The following ZFHX3 variants were observed in gnomAD, a reference collection of about 807,000 sequenced individuals.
The protein encoded by ZFHX3 is zinc finger homeobox 3.
In ZFHX3, 42 loss-of-function variants were observed where a neutral mutation model predicts 279.1. The observed-to-expected ratio is 0.15, with a 90% CI of 0.12 to 0.19. The LOEUF is 0.19. Ranked by LOEUF, ZFHX3 falls within the 10% of genes least tolerant of loss-of-function variation. ZFHX3 has a pLI of 1.00. For synonymous variants in ZFHX3, 2,293 were observed against 1,957.8 expected, an observed-to-expected ratio of 1.17 and a Z score of -4.52; for missense variants, 4,981 against 4,754.0, an observed-to-expected ratio of 1.05 and a Z score of -1.40.
intron 4 of ZFHX3, among the ~76,000 whole-genome samples, chr16:73,282,192 C>T (rs375301167): frequency 6.6e-5 from 10 of 152,290 alleles, no homozygotes; most frequent in African/African-American, 2.2e-4. Flanking sequence ...TCCTAAGTAG[C>T]GTTTACCCCC....
At chr16:73,078,558 A>T (rs974045392) in intron 8 of ZFHX3, among the ~76,000 whole-genome samples, 1 of 152,144 alleles carries the variant, frequency 6.6e-6, no homozygotes, top group Non-Finnish European at 1.5e-5. Flanking sequence ...TTGGTCTACC[A>T]TGCCAATTCC....
chr16:72,796,382 C>A lies in ZFHX3; in HGVS notation c.6300G>T (p.Leu2100=). The A allele has an allele frequency of 6.2e-7, 1 of 1,613,560 alleles. No homozygotes were observed. The highest frequency in any genetic ancestry group is 8.5e-7 in the Non-Finnish European group (1 of 1,180,006). ...TCTGCAGCGGCATCGTCTGCATCAT[C>A]AGCGGCGAGAAGATGGGCAGCTCCA... The part of the protein sequence containing the change: ...MPMELPIFSP[L]MMQTMPLQTL... Residue 2100 remains leucine, a synonymous_variant, in exon 9 of 10, where the codon CTG becomes CTT. Transcript: ENST00000268489.
upstream of ZFHX3, among the ~76,000 whole-genome samples, chr16:73,049,655 C>G (rs528357900): frequency 6.6e-6 from 1 of 151,982 alleles, no homozygotes; most frequent in African/African-American, 2.4e-5. Context: ...GAATCATGTC[C>G]GATTAGGGAC....
intron 7 of ZFHX3, among the ~76,000 whole-genome samples, chr16:73,126,062 G>C (rs1284703486): frequency 6.6e-6 from 1 of 152,080 alleles, no homozygotes; most frequent in African/African-American, 2.4e-5. Flanking sequence ...AGGAAGCAGT[G>C]AGTCATCCAC....
chr16:73,328,013 A>C (rs1416601746), intron 3 of ZFHX3, among the ~76,000 whole-genome samples: 1 of 152,202 alleles, frequency 6.6e-6, no homozygotes, highest in African/African-American at 2.4e-5. Flanking sequence ...CGGGGGGAAC[A>C]CCAGCCAGAA....
intron 2 of ZFHX3, among the ~76,000 whole-genome samples, chr16:73,507,242 G>C (rs1275738877): frequency 6.6e-6 from 1 of 152,132 alleles, no homozygotes; most frequent in Non-Finnish European, 1.5e-5. Flanking sequence ...GAATAAAATA[G>C]AAAAACGAGG....
chr16:73,235,094 G>A (rs1332104638), intron 5 of ZFHX3, among the ~76,000 whole-genome samples: 1 of 152,080 alleles, frequency 6.6e-6, no homozygotes, highest in Non-Finnish European at 1.5e-5. Context: ...TTTTGAGACG[G>A]AGTCTCACTC....
intron 4 of ZFHX3, among the ~76,000 whole-genome samples, chr16:73,292,668 C>G (rs866929173): frequency 1.3e-5 from 2 of 151,508 alleles, no homozygotes; most frequent in Non-Finnish European, 2.9e-5. Flanking sequence ...ATGCTTCCTA[C>G]TGTGTGATGT....
At chr16:73,334,665 C>A (rs2015873921) in intron 3 of ZFHX3, among the ~76,000 whole-genome samples, 3 of 152,170 alleles carry the variant, frequency 2.0e-5, no homozygotes, top group South Asian at 2.1e-4. Context: ...AGAACGGAAG[C>A]TCAAGAGGCT....
chr16:73,586,672 TG>T (rs2051930405), intron 2 of ZFHX3, among the ~76,000 whole-genome samples: 1 of 152,144 alleles, frequency 6.6e-6, no homozygotes, highest in Admixed American at 6.5e-5. Flanking sequence ...GCAAATCAAC[TG>T]TCTTTGATGA....
At chr16:73,744,682 C>T (rs982490709) in intron 1 of ZFHX3, among the ~76,000 whole-genome samples, 10 of 152,272 alleles carry the variant, frequency 6.6e-5, no homozygotes, top group African/African-American at 4.8e-5. Context: ...GGATGACTTC[C>T]GTGTCTCATT....
intron 7 of ZFHX3, among the ~76,000 whole-genome samples, chr16:73,098,404 T>C (rs1341326377): frequency 2.7e-5 from 4 of 148,970 alleles, no homozygotes; most frequent in East Asian, 4.0e-4. Flanking sequence ...CTCTCTCACC[T>C]AGGCTGGAGT....
At chr16:73,725,090 G>A (rs2053506661) in intron 1 of ZFHX3, among the ~76,000 whole-genome samples, 2 of 152,200 alleles carry the variant, frequency 1.3e-5, no homozygotes, top group South Asian at 4.1e-4. Flanking sequence ...GGCCTCAGTC[G>A]AGATGTAGAA....
At chr16:73,527,781 G>C (rs1328821522) in intron 2 of ZFHX3, among the ~76,000 whole-genome samples, 1 of 152,168 alleles carries the variant, frequency 6.6e-6, no homozygotes, top group Non-Finnish European at 1.5e-5. Context: ...GGGGACCCAA[G>C]ACCTGCCACC....
intron 3 of ZFHX3, among the ~76,000 whole-genome samples, chr16:73,426,139 C>G (rs2017806567): frequency 6.6e-6 from 1 of 152,180 alleles, no homozygotes; most frequent in Non-Finnish European, 1.5e-5. Flanking sequence ...CCTGGACAGC[C>G]TGGTTGTGAT....
intron 4 of ZFHX3, among the ~76,000 whole-genome samples, chr16:72,878,756 A>G (rs1567561069): frequency 6.6e-6 from 1 of 152,148 alleles, no homozygotes; most frequent in Non-Finnish European, 1.5e-5. Flanking sequence ...TGGGAAGAGC[A>G]CAGCCCTGGG....
At chr16:73,333,823 A>C (rs1037775524) in intron 3 of ZFHX3, among the ~76,000 whole-genome samples, 1 of 151,616 alleles carries the variant, frequency 6.6e-6, no homozygotes, top group African/African-American at 2.4e-5. Flanking sequence ...AAAAAAAAAA[A>C]AAAAAAAAGG....
chr16:73,799,534 C>G (rs1960085237), intron 1 of ZFHX3, among the ~76,000 whole-genome samples: 1 of 152,076 alleles, frequency 6.6e-6, no homozygotes, highest in South Asian at 2.1e-4. Flanking sequence ...GAGCTGGTAC[C>G]CAGGCTCCTG....
At chr16:73,135,173 C>T (rs1224900984) in intron 6 of ZFHX3, among the ~76,000 whole-genome samples, 4 of 152,150 alleles carry the variant, frequency 2.6e-5, no homozygotes, top group Non-Finnish European at 5.9e-5. Context: ...TGTATTATAG[C>T]TTATCCAAGA....
Sources: gnomAD v4.1 joint callset for allele counts (sites outside exome capture counted in the v4.1 genomes callset) on GRCh38, gnomAD v4.1.1 for gene constraint, MANE v1.5 for transcripts, NCBI Gene and HGNC (gene_info 2026-07-23, HGNC 2026-07-21) for gene names.